Variants in NSMCE1 observed in about 807,000 individuals in gnomAD.
NSMCE1 encodes the protein NSE1 component of SMC5/6 complex, also known as non-structural maintenance of chromosomes element 1 homolog.
A neutral mutation model predicts 29.6 loss-of-function variants in NSMCE1; 18 were observed. That is an observed-to-expected ratio of 0.61 (90% CI 0.42 to 0.90). The LOEUF (loss-of-function observed/expected upper bound fraction) is 0.90. Ranked by LOEUF, NSMCE1 falls within the 40% of genes least tolerant of loss-of-function variation. The pLI is 0.00. For missense variants in NSMCE1, 314 were observed against 343.6 expected, an observed-to-expected ratio of 0.91 and a Z score of 0.68; for synonymous variants, 124 against 133.4, an observed-to-expected ratio of 0.93 and a Z score of 0.49.
In NSMCE1 at chr16:27,232,886, G is replaced by A. The variant is rs2083776763; in HGVS notation, c.483+115C>T. 8.5e-6 allele frequency: 9 copies of A among 1,063,450 alleles called. No homozygotes were observed. In the Admixed American group the frequency reaches 1.5e-4, roughly 18 times the overall value. The allele number at this position is 1,063,450 out of a possible 1,614,324, so 65.9% of individuals were successfully genotyped here. ...GCTGGAATGCATGAAAGCAGATAAG[G>A]GATCCGAGAAGGCCGGGCTCCTCAG... On this transcript the variant is annotated intron_variant, in intron 5 of 7. Transcript: ENST00000361439. The surrounding 1 kb of genome is among the most constrained non-coding windows in gnomAD (Gnocchi z 4.5).
Position 27,251,169 on chromosome 16 carries a change from TATATATATATATATATATATAA to T in NSMCE1, c.136+6244_136+6265del, listed in dbSNP as rs201322789. 2.3e-3 allele frequency among the ~76,000 whole-genome samples: 121 copies of T among 52,592 alleles called. 2 individuals carry two copies. The highest frequency in any genetic ancestry group is 0.015 in the East Asian group (12 of 818). The allele number at this position is 52,592 out of a possible 152,430, so 34.5% of individuals were successfully genotyped here. A position where few individuals can be genotyped will look rare whatever the true frequency, so the allele number is the denominator to read the frequency against. On this transcript the variant is annotated intron_variant, in intron 2 of 7. Transcript: ENST00000361439. ...ATTTTAATTATTTAAAATATATATATATATATATATATATATATATAAATATATATATATATATAAAACTCTG... is the reference window on the plus strand; with the variant it reads ...ATTTTAATTATTTAAAATATATATATATATATATATATATATAAAACTCTG...
intron 3 of NSMCE1, among the ~76,000 whole-genome samples, 183 bp from the exon 4 acceptor site, chr16:27,234,448 C>A (rs1303236343): frequency 1.3e-5 from 2 of 152,208 alleles, no homozygotes; most frequent in Admixed American, 1.3e-4. Context: ...TTCTTTAGCT[C>A]AGCCAACATG....
chr16:27,243,558 G>A (rs1379840850), intron 2 of NSMCE1, among the ~76,000 whole-genome samples: 2 of 152,180 alleles, frequency 1.3e-5, no homozygotes, highest in African/African-American at 2.4e-5. Context: ...AGCCAGGCCA[G>A]TCCCCTAGCA....
intron 2 of NSMCE1, among the ~76,000 whole-genome samples, chr16:27,256,837 T>C (rs949582446): frequency 2.0e-5 from 3 of 152,188 alleles, no homozygotes; most frequent in Non-Finnish European, 4.4e-5. Context: ...TGCCCTTAAG[T>C]GTTGTGCTAA....
At chr16:27,249,913 T>C (rs1439029289) in intron 2 of NSMCE1, among the ~76,000 whole-genome samples, 1 of 152,362 alleles carries the variant, frequency 6.6e-6, no homozygotes, top group East Asian at 1.9e-4. Context: ...TCTTTCCACT[T>C]ATTTAAATCT....
intron 2 of NSMCE1, among the ~76,000 whole-genome samples, chr16:27,254,866 CTTTTTTTTTTTTTTTTTT>C (rs61088115): frequency 6.4e-5 from 3 of 46,896 alleles, no homozygotes; most frequent in African/African-American, 1.8e-4. Context: ...TCCAACCATG[CTTTTTTTTTTTTTTTTTT>C]TTTTTTTTTT....
chr16:27,262,292 C>T (rs370830334), intron 1 of NSMCE1, among the ~76,000 whole-genome samples: 30 of 151,062 alleles, frequency 2.0e-4, no homozygotes, highest in African/African-American at 6.1e-4. Context: ...GCCTGAATAG[C>T]GAAAGCAATC....
intron 2 of NSMCE1, among the ~76,000 whole-genome samples, chr16:27,237,035 G>A (rs2083833262): frequency 6.6e-6 from 1 of 152,210 alleles, no homozygotes; most frequent in South Asian, 2.1e-4. Context: ...CCAGGCCAAT[G>A]AGCTCTGTCA....
At chr16:27,266,285 A>G (rs556133791) in intron 1 of NSMCE1, 1 of 152,396 alleles carries the variant, frequency 6.6e-6, no homozygotes, top group Non-Finnish European at 1.5e-5. Context: ...TGAGAACAGG[A>G]TAGGATTGAA....
At chr16:27,227,514 C>A (rs2083711323) in intron 5 of NSMCE1, among the ~76,000 whole-genome samples, 1 of 152,198 alleles carries the variant, frequency 6.6e-6, no homozygotes, top group Admixed American at 6.5e-5. Flanking sequence ...AACAATGCAG[C>A]TCCCCAGGCC....
intron 2 of NSMCE1, among the ~76,000 whole-genome samples, chr16:27,239,468 C>A (rs994582424): frequency 6.6e-6 from 1 of 152,142 alleles, no homozygotes; most frequent in Admixed American, 6.5e-5. Context: ...GAATAAAGTC[C>A]GTATGGTGAG....
At chr16:27,227,935 G>A (rs1054799150) in intron 5 of NSMCE1, among the ~76,000 whole-genome samples, 4 of 151,956 alleles carry the variant, frequency 2.6e-5, no homozygotes, top group African/African-American at 7.3e-5. Flanking sequence ...ACAGGCATGC[G>A]CCACCACGCC....
chr16:27,257,295 G>A (rs1307161360), intron 2 of NSMCE1, 140 bp downstream of exon 2: 1 of 588,734 alleles, frequency 1.7e-6, no homozygotes, highest in Non-Finnish European at 2.7e-6. Context: ...TAGAAAGATG[G>A]GCCCGTGTAA....
chr16:27,225,937 G>A, intron 6 of NSMCE1, 91 bp from the exon 7 acceptor site: 1 of 1,491,900 alleles, frequency 6.7e-7, no homozygotes, highest in Non-Finnish European at 9.2e-7. Context: ...ATGGGCAGCA[G>A]GTGGCATCGT....
chr16:27,246,052 G>A (rs2083953905), intron 2 of NSMCE1, among the ~76,000 whole-genome samples: 3 of 152,172 alleles, frequency 2.0e-5, no homozygotes, highest in Admixed American at 1.3e-4. Flanking sequence ...GTGAGACGAC[G>A]AAGCAGATAC....
intron 2 of NSMCE1, among the ~76,000 whole-genome samples, chr16:27,236,247 A>G (rs2083823310): frequency 6.6e-6 from 1 of 150,526 alleles, no homozygotes. Context: ...CACTGGAAGC[A>G]GTGGAAGGAC....
At chr16:27,229,804 C>T (rs2140987000) in intron 5 of NSMCE1, among the ~76,000 whole-genome samples, 1 of 152,308 alleles carries the variant, frequency 6.6e-6, no homozygotes, top group East Asian at 1.9e-4. Flanking sequence ...GTCTCAAACT[C>T]CTGACTTCAA....
chr16:27,240,677 A>G (rs2083884169), intron 2 of NSMCE1, among the ~76,000 whole-genome samples: 1 of 152,252 alleles, frequency 6.6e-6, no homozygotes, highest in African/African-American at 2.4e-5. Context: ...AGCACTGAAC[A>G]AAACAGGACA....
At chr16:27,225,288 C>T in intron 7 of NSMCE1, 52 bp from the exon 8 acceptor site, 1 of 1,086,092 alleles carries the variant, frequency 9.2e-7, no homozygotes, top group Non-Finnish European at 1.4e-6. Context: ...GCTGGCAGCA[C>T]AGGGGCACCA....
Sources: gnomAD v4.1 joint callset for allele counts (sites outside exome capture counted in the v4.1 genomes callset) on GRCh38, gnomAD v4.1.1 for gene constraint, Gnocchi (gnomAD v3.1) non-coding constraint, MANE v1.5 for transcripts, NCBI Gene and HGNC (gene_info 2026-07-23, HGNC 2026-07-21) for gene names.